BICRAL: variants seen among roughly 807,000 people sequenced by gnomAD.
BICRAL encodes BICRA like chromatin remodeling complex associated protein.
A neutral mutation model predicts 91.8 loss-of-function variants in BICRAL; 8 were observed. That is an observed-to-expected ratio of 0.09 (90% CI 0.05 to 0.16). The LOEUF is 0.16. Among genes scored for constraint, BICRAL ranks in the 10% least tolerant of loss-of-function variants. The pLI is 1.00. For synonymous variants in BICRAL, 445 were observed against 491.1 expected, an observed-to-expected ratio of 0.91 and a Z score of 1.24; for missense variants, 1,038 against 1,310.9, an observed-to-expected ratio of 0.79 and a Z score of 3.21.
intron 5 of BICRAL, among the ~76,000 whole-genome samples, chr6:42,827,033 G>T (rs968473106): frequency 6.6e-6 from 1 of 152,080 alleles, no homozygotes; most frequent in Non-Finnish European, 1.5e-5. Context: ...TGATCCGCCC[G>T]CCTCAGCCTC....
chr6:42,817,144 TTA>T (rs890257320), intron 2 of BICRAL, among the ~76,000 whole-genome samples: 55 of 134,266 alleles, frequency 4.1e-4, no homozygotes, highest in Admixed American at 2.1e-3. Flanking sequence ...CACACATCAT[TTA>T]TATGTGTGTG....
At chr6:42,813,770 T>C (rs1242708755) in intron 2 of BICRAL, among the ~76,000 whole-genome samples, 4 of 152,046 alleles carry the variant, frequency 2.6e-5, no homozygotes, top group Admixed American at 2.0e-4. Flanking sequence ...ATCCACCCAC[T>C]TCAGCCTCCC....
intron 2 of BICRAL, among the ~76,000 whole-genome samples, chr6:42,816,101 G>A (rs1763987081): frequency 6.7e-6 from 1 of 148,842 alleles, no homozygotes; most frequent in African/African-American, 2.5e-5. Context: ...CATGGTAATT[G>A]TAATCCCAGC....
chr6:42,752,211 G>A (rs1162242811), intron 1 of BICRAL, among the ~76,000 whole-genome samples: 2 of 152,128 alleles, frequency 1.3e-5, no homozygotes, highest in African/African-American at 4.8e-5. Flanking sequence ...TGCCCCTGGC[G>A]CTCTCCTCTG....
chr6:42,793,575 C>T (rs953697673), intron 1 of BICRAL, among the ~76,000 whole-genome samples: 6 of 151,568 alleles, frequency 4.0e-5, no homozygotes, highest in South Asian at 2.1e-4. Context: ...AGGCGTGAGC[C>T]ACCGCGCCTG....
chr6:42,781,886 G>A (rs1240680825), upstream of BICRAL: 5 of 148,022 alleles, frequency 3.4e-5, no homozygotes, highest in Non-Finnish European at 6.0e-5. Context: ...CGGTTTGCCC[G>A]GGCGCAGAGC....
intron 6 of BICRAL, among the ~76,000 whole-genome samples, chr6:42,849,436 A>G (rs942897935): frequency 1.1e-4 from 17 of 148,508 alleles, no homozygotes; most frequent in Non-Finnish European, 2.2e-4. Context: ...AATTGTTTAG[A>G]ACAGATTTTT....
upstream of BICRAL, among the ~76,000 whole-genome samples, chr6:42,779,289 T>C (rs1762851834): frequency 6.6e-6 from 1 of 150,626 alleles, no homozygotes; most frequent in South Asian, 2.1e-4. Context: ...ATTGGAGCTG[T>C]GGAGCAACAG....
Position 42,829,504 on chromosome 6 carries a change from A to G in BICRAL, c.1171A>G (p.Met391Val), listed in dbSNP as rs752388994. The change falls in exon 6 of 13, where the codon ATG becomes GTG. Residue 391 changes from methionine to valine, a missense_variant. By Grantham distance (21) the Met-to-Val change is conservative. This residue lies in a region of BICRAL where 532 missense variants were observed against 724.9 expected (regional missense o/e 0.73). Transcript: ENST00000314073. ...TGGSIVIHSP[M>V]GQPHAPQSQF... ...GGGCAGTATTGTTATTCATTCCCCC[A>G]TGGGCCAACCTCACGCACCCCAAAG... 2.5e-6 allele frequency: 4 copies of G among 1,614,042 alleles called. No homozygotes were observed. Among genetic ancestry groups the G allele is most frequent in the South Asian group, 2.2e-5 (2 of 91,084 alleles).
At chr6:42,746,756 G>A (rs1475629506), upstream of BICRAL, among the ~76,000 whole-genome samples, 1 of 152,102 alleles carries the variant, frequency 6.6e-6, no homozygotes, top group Non-Finnish European at 1.5e-5. Context: ...GCGGCCTGGG[G>A]GCTCCTGGAT....
At chr6:42,856,001 G>A (rs1014103685) in intron 9 of BICRAL, 84 bp downstream of exon 9, 5 of 1,106,384 alleles carry the variant, frequency 4.5e-6, no homozygotes, top group Non-Finnish European at 7.0e-6. Flanking sequence ...CAGAAAACAG[G>A]TTATAATAAT....
At position 42,828,502 on chromosome 6, in the gene BICRAL, C is replaced by T; in HGVS notation, c.169C>T (p.Pro57Ser). ...CTGTTTATTTTTTTAGAATGCTGATCCTAAGTCATCCCTCAAAGGTGTAAG... is the reference window on the plus strand; with the variant it reads ...CTGTTTATTTTTTTAGAATGCTGATTCTAAGTCATCCCTCAAAGGTGTAAG... The part of the protein sequence containing the change: ...SIFANSSNAD[P>S]KSSLKGVSNQ... The change falls in exon 6 of 13, where the codon CCT becomes TCT. Residue 57 changes from proline (P) to serine (S), a missense_variant. Pro to Ser is a moderately conservative substitution (Grantham distance 74). Around this residue, in one of 5 missense-constraint regions of BICRAL, gnomAD observed 115 missense variants for 121.5 expected, o/e 0.95. Coordinates refer to ENST00000314073, the MANE Select transcript of BICRAL (RefSeq NM_001393499.1). The T allele has an allele frequency of 1.2e-6, 2 of 1,610,706 alleles. No homozygotes were observed. Among genetic ancestry groups the T allele is most frequent in the Middle Eastern group, 3.3e-4 (2 of 6,034 alleles).
rs139690361 is a variant in BICRAL at position 42,836,787 on chromosome 6, A to G, written c.1839+6615A>G. Among the ~76,000 whole-genome samples the G allele has an allele frequency of 6.9e-3, 1,043 of 151,214 alleles. 5 individuals are homozygous for G. Among genetic ancestry groups the G allele is most frequent in the African/African-American group, 0.022 (919 of 41,196 alleles). On this transcript the variant is annotated intron_variant, in intron 6 of 12. Coordinates refer to ENST00000314073, the MANE Select transcript of BICRAL (RefSeq NM_001393499.1). ...CAGGCGCCTGCCACCACACCCAGCT[A>G]ATTTTTGTATTTTTAGTAGAGATGG...
chr6:42,774,266 C>T (rs1046493738), intron 1 of BICRAL, among the ~76,000 whole-genome samples: 1 of 152,086 alleles, frequency 6.6e-6, no homozygotes, highest in Non-Finnish European at 1.5e-5. Context: ...GCTCCAACAG[C>T]TCCATGGTTT....
upstream of BICRAL, among the ~76,000 whole-genome samples, chr6:42,778,744 G>A (rs2113853236): frequency 1.3e-5 from 2 of 152,184 alleles, no homozygotes; most frequent in South Asian, 4.1e-4. Flanking sequence ...AGTTTGAGAG[G>A]CTGAGGCGGA....
Position 42,817,120 on chromosome 6 carries a change from T to C in BICRAL, c.-5-4898T>C, listed in dbSNP as rs149137236. 5.5e-3 allele frequency among the ~76,000 whole-genome samples: 829 copies of C among 152,050 alleles called. 3 individuals are homozygous for C. Among genetic ancestry groups the C allele is most frequent in the African/African-American group, 0.017 (717 of 41,424 alleles). On this transcript the variant is annotated intron_variant, in intron 2 of 12. Coordinates refer to ENST00000314073, the MANE Select transcript of BICRAL (RefSeq NM_001393499.1). ...GTTACCTGTGCTTCATTTTAGGTTC[T>C]ATACATTTACACACACACATCATTT...
Position 42,864,956 on chromosome 6 carries a change from C to A in BICRAL, c.2750C>A (p.Thr917Lys), listed in dbSNP as rs766654344. ...DKVGLVQYQSTSEEKASRREP... is the reference protein window; with the variant it reads ...DKVGLVQYQSKSEEKASRREP... ...GTGGGCTTAGTGCAGTACCAGAGCA[C>A]GTCTGAAGAGAAGGCCAGCCGGAGA... The change falls in exon 13 of 13, where the codon ACG becomes AAG. Residue 917 changes from threonine to lysine, a missense_variant. By Grantham distance (78) the Thr-to-Lys change is moderately conservative. Around this residue, in one of 5 missense-constraint regions of BICRAL, gnomAD observed 294 missense variants for 292.6 expected, o/e 1.00. Transcript: ENST00000314073. The A allele has an allele frequency of 6.2e-6, 10 of 1,614,022 alleles. No individual in the cohort carries two copies. The Admixed American group carries it at 1.5e-4, about 24-fold the overall frequency.
At chr6:42,781,978 G>T (rs1278611126), upstream of BICRAL, 1 of 146,422 alleles carries the variant, frequency 6.8e-6, no homozygotes, top group Non-Finnish European at 1.5e-5. Flanking sequence ...GCGTGTGGCC[G>T]GCGCCGCTCG....
chr6:42,864,770 C>A lies in BICRAL; in HGVS notation c.2564C>A (p.Pro855Gln), dbSNP rs568633954. The A allele has an allele frequency of 2.8e-5, 45 of 1,614,156 alleles. No individual in the cohort carries two copies. In the Admixed American group the frequency reaches 6.2e-4, roughly 22 times the overall value. ...AGTAAAGCAAGCAGCTCTCTGCAACCGCCAGCCAAGGCCCAAGGCAGAGAC... is the reference window on the plus strand; with the variant it reads ...AGTAAAGCAAGCAGCTCTCTGCAACAGCCAGCCAAGGCCCAAGGCAGAGAC... ...HGSKASSSLQ[P>Q]PAKAQGRDRA... is the part of the protein sequence containing the mutation. Residue 855 changes from proline (P) to glutamine (Q), a missense_variant, in exon 13 of 13, where the codon CCG becomes CAG. Physicochemically the swap from Pro to Gln is moderately conservative, Grantham distance 76. This residue lies in a region of BICRAL where 294 missense variants were observed against 292.6 expected (regional missense o/e 1.00). Transcript: ENST00000314073.
Sources: allele counts gnomAD v4.1 joint callset (sites outside exome capture counted in the v4.1 genomes callset), GRCh38; gene constraint gnomAD v4.1.1; regional missense constraint gnomAD v4.1.1; transcripts MANE v1.5; gene names NCBI Gene and HGNC (gene_info 2026-07-23, HGNC 2026-07-21).